EGFL6: variants seen among roughly 807,000 people sequenced by gnomAD.
EGFL6 encodes the protein EGF like domain multiple 6.
Under a neutral mutation model 43.1 loss-of-function variants are expected in EGFL6, and 42 were observed. That is an observed-to-expected ratio of 0.98 (90% confidence interval 0.76 to 1.26). EGFL6 has a LOEUF of 1.26. Ranked by LOEUF, EGFL6 falls within the 50% of genes most tolerant of loss-of-function variation. EGFL6 has a pLI of 0.00. For missense variants in EGFL6, 429 were observed against 427.8 expected, an observed-to-expected ratio of 1.00 and a Z score of -0.02; for synonymous variants, 164 against 163.2, an observed-to-expected ratio of 1.01 and a Z score of -0.04.
intron 10 of EGFL6, among the ~76,000 whole-genome samples, chrX:13,626,216 T>C (rs1259905852): frequency 8.9e-6 from 1 of 112,018 alleles, no homozygotes; most frequent in Admixed American, 9.5e-5. Flanking sequence ...TCTGGATGCA[T>C]TGAAAACTAA....
intron 11 of EGFL6, among the ~76,000 whole-genome samples, chrX:13,628,147 TAATC>T (rs1286053521): frequency 1.8e-4 from 20 of 111,215 alleles, no homozygotes; most frequent in Middle Eastern, 4.6e-3. Flanking sequence ...AAGGCACTCT[TAATC>T]AAAGAGGGTA....
chrX:13,616,296 T>G (rs2045717093), intron 7 of EGFL6, among the ~76,000 whole-genome samples: 1 of 111,735 alleles, frequency 8.9e-6, no homozygotes, highest in African/African-American at 3.3e-5. Context: ...AAATCTATCA[T>G]AGAAATAGGA....
intron 1 of EGFL6, 82 bp from the exon 2 acceptor site, chrX:13,589,474 C>G: frequency 1.2e-6 from 1 of 803,299 alleles, no homozygotes; most frequent in Non-Finnish European, 1.7e-6. Flanking sequence ...TAATTGACAT[C>G]TCTGGTTCTT....
chrX:13,587,388 T>C (rs1013623001), intron 1 of EGFL6, among the ~76,000 whole-genome samples: 1 of 111,930 alleles, frequency 8.9e-6, no homozygotes, highest in Non-Finnish European at 1.9e-5. Context: ...ATGGGGTACA[T>C]GTGAGTGTTA....
Position 13,627,047 on chromosome X carries a change from G to T in EGFL6, c.1322G>T (p.Gly441Val), listed in dbSNP as rs200954240. 7.4e-6 allele frequency: 9 copies of T among 1,212,115 alleles called. No individual in the cohort carries two copies. The South Asian group carries it at 1.6e-4, about 21-fold the overall frequency. Residue 441 changes from glycine (G) to valine (V), a missense_variant, in exon 11 of 12, where the codon GGT becomes GTT. Coordinates refer to ENST00000361306, the MANE Select transcript of EGFL6 (RefSeq NM_015507.4). ...TATATGGCAGTTCCGGCCTTGGCAG[G>T]TCACAAGAAAGACATTGGCCGATTG... ...GFYMAVPALA[G>V]HKKDIGRLKL...
rs1198775989 is a variant in EGFL6 at position 13,623,798 on chromosome X, T to C, written c.1184-26T>C. 4 of 1,155,199 alleles carry C rather than the reference T, an allele frequency of 3.5e-6. No homozygotes were observed. In the East Asian group the frequency reaches 1.2e-4, roughly 34 times the overall value. On this transcript the variant is annotated intron_variant, in intron 9 of 11. Transcript: ENST00000361306. ...ACCTTCCTAATGCTTTTAGGGGTTA[T>C]GAAATATGTTCTTTCTTTTTAGCAG...
At chrX:13,603,740 T>C (rs1247769829) in intron 5 of EGFL6, among the ~76,000 whole-genome samples, 4 of 112,323 alleles carry the variant, frequency 3.6e-5, no homozygotes, top group African/African-American at 1.3e-4. Flanking sequence ...CTCCACTACT[T>C]ATATTTTGTC....
At chrX:13,604,772 C>T (rs546214512) in intron 5 of EGFL6, among the ~76,000 whole-genome samples, 72 of 111,806 alleles carry the variant, frequency 6.4e-4, no homozygotes, top group Middle Eastern at 4.7e-3. Flanking sequence ...CAAACCAAAT[C>T]AGAATGTTGA....
In EGFL6 at chrX:13,627,228, G is replaced by A. The variant is rs767255352; in HGVS notation, c.1503G>A (p.Trp501Ter). 1.7e-6 allele frequency: 2 copies of A among 1,211,736 alleles called. No individual in the cohort carries two copies. The highest frequency in any genetic ancestry group is 1.8e-5 in the South Asian group (1 of 57,030). Residue 501 changes from tryptophan to a stop codon, truncating the protein, a stop_gained, in exon 11 of 12, where the codon TGG becomes TGA. Coordinates refer to ENST00000361306, the MANE Select transcript of EGFL6 (RefSeq NM_015507.4). LOFTEE classifies it high-confidence loss of function. ...AGACCACGAGTGAGGATGAAAAGTG[G>A]AAGACAGGGAAAATTCAGTTGTATC... Reference protein sequence around the residue: ...WEKTTSEDEKWKTGKIQLYQG... With the variant: ...WEKTTSEDEK
intron 8 of EGFL6, 148 bp from the exon 9 acceptor site, chrX:13,619,015 A>T: frequency 2.3e-6 from 1 of 443,748 alleles, no homozygotes; most frequent in Non-Finnish European, 3.9e-6. Flanking sequence ...AATGTGAATT[A>T]TTTGGAAATG....
At chrX:13,577,308 A>T (rs2045477744) in intron 1 of EGFL6, among the ~76,000 whole-genome samples, 1 of 12,546 alleles carries the variant, frequency 8.0e-5, no homozygotes, top group Non-Finnish European at 1.7e-4. Flanking sequence ...TTATATATAT[A>T]TATATATATA....
chrX:13,581,755 G>T (rs931569321), intron 1 of EGFL6, among the ~76,000 whole-genome samples: 4 of 111,855 alleles, frequency 3.6e-5, no homozygotes, highest in Non-Finnish European at 7.5e-5. Flanking sequence ...TGGAGACGGC[G>T]ATTTTCTGAT....
intron 10 of EGFL6, among the ~76,000 whole-genome samples, chrX:13,625,885 C>CCAAAAAA (rs2045776553): frequency 6.5e-5 from 2 of 30,904 alleles, no homozygotes; most frequent in African/African-American, 2.2e-4. Context: ...GACCCTGCCT[C>CCAAAAAA]AAAAAAAAAA....
chrX:13,623,343 T>G (rs1212063221), intron 9 of EGFL6, among the ~76,000 whole-genome samples: 2 of 106,036 alleles, frequency 1.9e-5, no homozygotes, highest in Non-Finnish European at 3.9e-5. Context: ...CTAATTTTTT[T>G]TTTTTTTAAA....
At chrX:13,617,679 GTAATT>G in intron 7 of EGFL6, 46 bp from the exon 8 acceptor site, 2 of 1,054,307 alleles carry the variant, frequency 1.9e-6, no homozygotes, top group Non-Finnish European at 2.6e-6. Context: ...CATTTTGTGA[GTAATT>G]TAATTATCTT....
chrX:13,612,561 T>A (rs1230924464), intron 7 of EGFL6, among the ~76,000 whole-genome samples: 2 of 111,000 alleles, frequency 1.8e-5, no homozygotes, highest in Non-Finnish European at 3.8e-5. Context: ...AGCTGTTGGG[T>A]ACACCTCCCA....
chrX:13,627,294 G>T lies in EGFL6; in HGVS notation c.1551+18G>T. The T allele has an allele frequency of 1.7e-6, 2 of 1,196,076 alleles. No homozygotes were observed. The highest frequency in any genetic ancestry group is 1.8e-5 in the South Asian group (1 of 54,893). ...CCAAAAGCGTAAGTGGGAAAAAAAT[G>T]ATTAAACTCAATATTTGCATTCTTT... On this transcript the variant is annotated intron_variant, in intron 11 of 11. Transcript: ENST00000361306.
rs1465101232 is a variant in EGFL6, at chrX:13,626,899, C to T, written c.1286-112C>T. The T allele has an allele frequency of 3.6e-6, 3 of 835,377 alleles. No individual in the cohort carries two copies. In the African/African-American group the frequency reaches 6.2e-5, roughly 17 times the overall value. 68.8% of individuals were successfully genotyped at this position (835,377 alleles called of 1,213,427 possible). A position where few individuals can be genotyped will look rare whatever the true frequency, so the allele number is the denominator to read the frequency against. ...CCTATGTTCAAAATGAAAAGGACTT[C>T]AGCTTTCCCTATAGGAGACTATTGT... On this transcript the variant is annotated intron_variant, in intron 10 of 11. Coordinates refer to ENST00000361306, the MANE Select transcript of EGFL6 (RefSeq NM_015507.4).
At chrX:13,597,982 T>G (rs191928553) in intron 3 of EGFL6, among the ~76,000 whole-genome samples, 1 of 112,083 alleles carries the variant, frequency 8.9e-6, no homozygotes, top group Non-Finnish European at 1.9e-5. Context: ...GTGGTCCAGT[T>G]GGATCAAGTT....
Sources: gnomAD v4.1 joint callset for allele counts (sites outside exome capture counted in the v4.1 genomes callset) on GRCh38, gnomAD v4.1.1 for gene constraint, MANE v1.5 for transcripts, NCBI Gene and HGNC (gene_info 2026-07-23, HGNC 2026-07-21) for gene names.